The following ACTR6 variants were observed in gnomAD, a reference collection of about 807,000 sequenced individuals.
ACTR6 encodes the protein actin-related protein 6.
ACTR6 carries 50 observed loss-of-function variants against 52.5 expected under a neutral mutation model. That is an observed-to-expected ratio of 0.95 (90% CI 0.76 to 1.20). The LOEUF (loss-of-function observed/expected upper bound fraction) is 1.20. ACTR6 is among the 50% of genes most tolerant of loss of function. The probability of loss-of-function intolerance (pLI) is 0.00; values close to 1 mark genes in which losing one functional copy is unlikely to be tolerated. For missense variants in ACTR6, 344 were observed against 472.4 expected (o/e 0.73, Z 2.52); for synonymous variants, 135 against 147.2 (o/e 0.92, Z 0.60).
chr12:100,205,146 T>A, intron 2 of ACTR6, 89 bp downstream of exon 2: 2 of 782,058 alleles, frequency 2.6e-6, no homozygotes, highest in African/African-American at 1.8e-5. Flanking sequence ...GTGTGTAACT[T>A]AAATTTTAAC....
intron 10 of ACTR6, 126 bp from the exon 11 acceptor site, chr12:100,223,660 G>C (rs1329024388): frequency 3.4e-6 from 4 of 1,178,266 alleles, no homozygotes; most frequent in Non-Finnish European, 4.8e-6. Context: ...GTTGGGTAGA[G>C]CTTGCCACAT....
At chr12:100,219,928 C>T in intron 9 of ACTR6, 80 bp from the exon 10 acceptor site, 1 of 1,451,954 alleles carries the variant, frequency 6.9e-7, no homozygotes, top group Non-Finnish European at 9.4e-7. Context: ...TTATCTGATC[C>T]CTCATCCACA....
chr12:100,221,770 G>C (rs893971282), intron 10 of ACTR6: 2 of 151,618 alleles, frequency 1.3e-5, no homozygotes, highest in Non-Finnish European at 2.9e-5. Flanking sequence ...ACTCCAGCCT[G>C]GGCAACAGTG....
chr12:100,205,423 T>G, intron 2 of ACTR6: 1 of 299,136 alleles, frequency 3.3e-6, no homozygotes, highest in Non-Finnish European at 6.0e-6. Flanking sequence ...GGTTTGAAAT[T>G]CATACAGCAG....
In ACTR6 at chr12:100,214,398, T is replaced by C. The variant is rs559664064; in HGVS notation, c.750+1870T>C. 4.6e-5 allele frequency among the ~76,000 whole-genome samples: 7 copies of C among 152,180 alleles called. 1 individual carries two copies. Among genetic ancestry groups the C allele is most frequent in the African/African-American group, 1.7e-4 (7 of 41,522 alleles). On this transcript the variant is annotated intron_variant, in intron 8 of 10. Transcript: ENST00000188312. ...GTATGAATCAGAGTTCAGAGACTACTTGGGGCCTTATAAAACTGAAATCAT... is the reference window on the plus strand; with the variant it reads ...GTATGAATCAGAGTTCAGAGACTACCTGGGGCCTTATAAAACTGAAATCAT...
At chr12:100,211,383 T>C (rs553363079) in intron 6 of ACTR6, among the ~76,000 whole-genome samples, 2 of 152,156 alleles carry the variant, frequency 1.3e-5, no homozygotes, top group African/African-American at 4.8e-5. Flanking sequence ...GAAATTATCC[T>C]GCCTCAGCCT....
intron 8 of ACTR6, among the ~76,000 whole-genome samples, chr12:100,214,279 C>T (rs1332032949): frequency 1.3e-5 from 2 of 152,038 alleles, no homozygotes; most frequent in Non-Finnish European, 2.9e-5. Flanking sequence ...TTACATTAAG[C>T]TGGTTGGTGA....
At chr12:100,219,293 G>T (rs1036529240) in intron 9 of ACTR6, among the ~76,000 whole-genome samples, 1 of 151,994 alleles carries the variant, frequency 6.6e-6, no homozygotes, top group Admixed American at 6.6e-5. Context: ...CTGCTTTAAG[G>T]TCATGGCAGA....
intron 10 of ACTR6, among the ~76,000 whole-genome samples, chr12:100,222,860 C>A (rs923362606): frequency 1.2e-4 from 19 of 152,112 alleles, no homozygotes; most frequent in African/African-American, 4.6e-4. Flanking sequence ...CTAATTTTAC[C>A]TATTGTCTGT....
At chr12:100,204,401 C>T (rs11110288) in intron 1 of ACTR6, 10,563 of 152,320 alleles carry the variant, frequency 0.069, 443 homozygotes, top group African/African-American at 0.093. Context: ...TGCCCCATCA[C>T]CAAGGCTGGA....
At chr12:100,206,257 T>A (rs2096114524) in intron 3 of ACTR6, 2 of 152,090 alleles carry the variant, frequency 1.3e-5, no homozygotes, top group Non-Finnish European at 2.9e-5. Context: ...GGCGGGTGGA[T>A]CACTTGAGGT....
intron 8 of ACTR6, among the ~76,000 whole-genome samples, chr12:100,217,239 C>T (rs1162698919): frequency 1.3e-5 from 2 of 152,062 alleles, no homozygotes; most frequent in Non-Finnish European, 2.9e-5. Context: ...TACTGTGTGC[C>T]AGGTACTTTT....
At chr12:100,211,637 A>G (rs535806057) in intron 6 of ACTR6, among the ~76,000 whole-genome samples, 34 of 152,172 alleles carry the variant, frequency 2.2e-4, no homozygotes, top group African/African-American at 8.2e-4. Context: ...ATATATATAT[A>G]TATGTTTTAA....
chr12:100,212,849 C>A (rs1446437394), intron 8 of ACTR6, among the ~76,000 whole-genome samples: 1 of 150,872 alleles, frequency 6.6e-6, no homozygotes, highest in African/African-American at 2.4e-5. Flanking sequence ...ACTAAAAATA[C>A]AAAAAAAATT....
intron 10 of ACTR6, among the ~76,000 whole-genome samples, chr12:100,222,957 G>C (rs2096129496): frequency 6.6e-6 from 1 of 152,212 alleles, no homozygotes; most frequent in South Asian, 2.1e-4. Context: ...AGCACAGACT[G>C]TGAAAACAGT....
At chr12:100,215,420 G>A (rs778398678) in intron 8 of ACTR6, among the ~76,000 whole-genome samples, 3 of 152,136 alleles carry the variant, frequency 2.0e-5, no homozygotes, top group Non-Finnish European at 4.4e-5. Context: ...TAGAGGTGTG[G>A]TTATTCTCCC....
At chr12:100,205,191 G>T in intron 2 of ACTR6, 134 bp downstream of exon 2, 1,966 of 407,228 alleles carry the variant, frequency 4.8e-3, no homozygotes, top group East Asian at 7.9e-3. Context: ...AAATTTAATT[G>T]TTTGGGTAAA....
intron 8 of ACTR6, among the ~76,000 whole-genome samples, chr12:100,214,788 G>T (rs534787811): frequency 1.3e-5 from 2 of 152,160 alleles, no homozygotes; most frequent in East Asian, 3.9e-4. Context: ...CTTATGAAAG[G>T]ACCTAGGCTG....
intron 1 of ACTR6, 150 bp downstream of exon 1, chr12:100,201,069 T>TTA: frequency 6.7e-7 from 1 of 1,487,090 alleles, no homozygotes; most frequent in Non-Finnish European, 8.9e-7. Context: ...GGGTGGGTGA[T>TTA]TGTGATGCTT....
Sources: allele counts gnomAD v4.1 joint callset (sites outside exome capture counted in the v4.1 genomes callset), GRCh38; gene constraint gnomAD v4.1.1; transcripts MANE v1.5; gene names NCBI Gene and HGNC (gene_info 2026-07-23, HGNC 2026-07-21).